The following PSMC6 variants were observed in gnomAD, a reference collection of about 807,000 sequenced individuals.
PSMC6 encodes the protein 26S proteasome regulatory subunit 10B.
In PSMC6, 3 loss-of-function variants were observed where a neutral mutation model predicts 55.9. The ratio of observed to expected loss-of-function variants is 0.05; its 90% CI spans 0.02 to 0.14. PSMC6 has a LOEUF of 0.14. PSMC6 is among the 10% of genes least tolerant of loss of function. The probability of loss-of-function intolerance (pLI) is 1.00; values close to 1 mark genes in which losing one functional copy is unlikely to be tolerated. For missense variants in PSMC6, 210 were observed against 478.7 expected, an observed-to-expected ratio of 0.44 and a Z score of 5.24; for synonymous variants, 137 against 155.9, an observed-to-expected ratio of 0.88 and a Z score of 0.90.
In PSMC6 at chr14:52,712,099, G is replaced by A. The variant is rs78079944; in HGVS notation, c.441+575G>A. ...TGTTATCTGTAAAGCAAATTACATT[G>A]TCCTATGGATTTTATCCTAAATTAG... On this transcript the variant is annotated intron_variant, in intron 6 of 13. Coordinates refer to ENST00000445930, the MANE Select transcript of PSMC6 (RefSeq NM_002806.5). Among the ~76,000 whole-genome samples the A allele has an allele frequency of 3.3e-3, 497 of 152,238 alleles. 2 individuals carry two copies. Among genetic ancestry groups the A allele is most frequent in the African/African-American group, 0.011 (474 of 41,536 alleles).
chr14:52,713,198 C>G (rs1213643698), intron 6 of PSMC6, among the ~76,000 whole-genome samples: 1 of 152,108 alleles, frequency 6.6e-6, no homozygotes, highest in African/African-American at 2.4e-5. Context: ...CCATTGCACT[C>G]CAGCCTGGGC....
intron 13 of PSMC6, 135 bp downstream of exon 13, chr14:52,724,171 C>T (rs1318236864): frequency 1.3e-6 from 1 of 744,672 alleles, no homozygotes; most frequent in Non-Finnish European, 2.2e-6. Context: ...GAATCGATTC[C>T]AGGAAATAGG....
chr14:52,715,557 A>AT (rs924846719), intron 7 of PSMC6, among the ~76,000 whole-genome samples: 1 of 152,054 alleles, frequency 6.6e-6, no homozygotes, highest in Non-Finnish European at 1.5e-5. Context: ...GAAAATTAGA[A>AT]TTTTTAGAAA....
At chr14:52,718,404 A>G (rs753020528) in intron 9 of PSMC6, 52 bp downstream of exon 9, 6 of 1,548,752 alleles carry the variant, frequency 3.9e-6, no homozygotes, top group Non-Finnish European at 5.3e-6. Context: ...TAAATGTAAA[A>G]GAACCTTTTT....
intron 6 of PSMC6, among the ~76,000 whole-genome samples, chr14:52,713,469 C>G (rs1328132718): frequency 1.3e-5 from 2 of 152,094 alleles, no homozygotes; most frequent in African/African-American, 2.4e-5. Context: ...TTTTCAAATG[C>G]AAACTAGTAT....
chr14:52,714,033 G>A (rs2041803368), intron 7 of PSMC6, 65 bp downstream of exon 7: 9 of 1,048,932 alleles, frequency 8.6e-6, no homozygotes, highest in Non-Finnish European at 1.1e-5. Flanking sequence ...AAAAAAAAAA[G>A]ACAATTTTTT....
chr14:52,718,362 A>T lies in PSMC6; in HGVS notation c.715+10A>T. On this transcript the variant is annotated intron_variant, in intron 9 of 13. Coordinates refer to ENST00000445930, the MANE Select transcript of PSMC6 (RefSeq NM_002806.5). ...GAAATAGATGCTATTGGTAAGAATAACACCCTTGTTGAAAGTTTTAGGACT... is the reference window on the plus strand; with the variant it reads ...GAAATAGATGCTATTGGTAAGAATATCACCCTTGTTGAAAGTTTTAGGACT... 5 of 1,605,632 alleles carry T rather than the reference A, an allele frequency of 3.1e-6. No individual in the cohort carries two copies. In the South Asian group the frequency reaches 5.6e-5, roughly 18 times the overall value.
chr14:52,714,964 A>G (rs2041815302), intron 7 of PSMC6, among the ~76,000 whole-genome samples: 1 of 152,064 alleles, frequency 6.6e-6, no homozygotes, highest in Non-Finnish European at 1.5e-5. Context: ...AAAACAAAAA[A>G]CTAAAATGTT....
At chr14:52,709,756 A>C (rs180721723) in intron 4 of PSMC6, 1 of 298,172 alleles carries the variant, frequency 3.4e-6, no homozygotes, top group African/African-American at 2.3e-5. Context: ...TTCAGGTTTT[A>C]GAATATTTGT....
At chr14:52,727,445 G>T in intron 13 of PSMC6, 54 bp from the exon 14 acceptor site, 1 of 1,088,008 alleles carries the variant, frequency 9.2e-7, no homozygotes, top group Non-Finnish European at 1.4e-6. Flanking sequence ...TTCTTATAAT[G>T]AACATATAAT....
chr14:52,711,664 A>T, intron 6 of PSMC6, 140 bp downstream of exon 6: 3 of 439,552 alleles, frequency 6.8e-6, no homozygotes, highest in Non-Finnish European at 1.2e-5. Context: ...TATTCTTGCT[A>T]AGAAGAATAG....
intron 7 of PSMC6, among the ~76,000 whole-genome samples, chr14:52,714,677 C>G (rs1217957319): frequency 1.3e-5 from 2 of 151,850 alleles, no homozygotes. Context: ...GCCTGGCCAA[C>G]CAACATGATG....
intron 4 of PSMC6, chr14:52,710,818 A>G (rs868178406): frequency 7.7e-6 from 3 of 390,208 alleles, no homozygotes; most frequent in Middle Eastern, 7.4e-4. Context: ...TTTGGTAGCA[A>G]TTCCCAAAGT....
intron 10 of PSMC6, among the ~76,000 whole-genome samples, chr14:52,719,260 A>C (rs2041863465): frequency 6.6e-6 from 1 of 152,190 alleles, no homozygotes; most frequent in Admixed American, 6.5e-5. Flanking sequence ...CACCTGTACT[A>C]TTCTGTGTTT....
chr14:52,715,776 C>T (rs2041823999), intron 7 of PSMC6, among the ~76,000 whole-genome samples: 1 of 151,962 alleles, frequency 6.6e-6, no homozygotes, highest in African/African-American at 2.4e-5. Context: ...GCCACCATGC[C>T]AGGCTAATTT....
At chr14:52,708,606 A>G (rs1401559043) in intron 3 of PSMC6, 84 bp downstream of exon 3, 7 of 1,540,034 alleles carry the variant, frequency 4.5e-6, no homozygotes, top group Non-Finnish European at 6.2e-6. Context: ...TTTAATGACA[A>G]TAATGCAGAG....
In PSMC6 at chr14:52,707,238, A is replaced by G. The variant is rs749384722; in HGVS notation, c.19A>G (p.Lys7Glu). The part of the protein sequence containing the change: MADPRD[K>E]ALQDYRKKLL... Reference sequence around the variant, plus strand: ...TCTCATCATGGCGGACCCTAGAGATAAGGCGCTTCAGGACTACCGCAAGAA... The same window carrying G: ...TCTCATCATGGCGGACCCTAGAGATGAGGCGCTTCAGGACTACCGCAAGAA... Residue 7 changes from lysine to glutamate, a missense_variant, in exon 1 of 14, where the codon AAG becomes GAG. Around this residue, in one of 4 missense-constraint regions of PSMC6, gnomAD observed 26 missense variants for 16.9 expected, o/e 1.54. Coordinates refer to ENST00000445930, the MANE Select transcript of PSMC6 (RefSeq NM_002806.5). The G allele has an allele frequency of 1.2e-6, 2 of 1,613,988 alleles. No homozygotes were observed. Among genetic ancestry groups the G allele is most frequent in the Non-Finnish European group, 1.7e-6 (2 of 1,179,994 alleles).
intron 7 of PSMC6, among the ~76,000 whole-genome samples, chr14:52,716,676 C>T (rs1047205562): frequency 6.6e-6 from 1 of 151,946 alleles, no homozygotes; most frequent in Non-Finnish European, 1.5e-5. Context: ...TCACTTGAAC[C>T]TGGGAGGCAG....
intron 13 of PSMC6, among the ~76,000 whole-genome samples, chr14:52,725,492 C>T (rs1363235773): frequency 6.6e-6 from 1 of 152,130 alleles, no homozygotes; most frequent in Non-Finnish European, 1.5e-5. Context: ...CCTTCCTGTT[C>T]AGGTCCTGAC....
Sources: gnomAD v4.1 joint callset for allele counts (sites outside exome capture counted in the v4.1 genomes callset) on GRCh38, gnomAD v4.1.1 for gene constraint, gnomAD v4.1.1 regional missense constraint, MANE v1.5 for transcripts, NCBI Gene and HGNC (gene_info 2026-07-23, HGNC 2026-07-21) for gene names.